The following DKK3 variants were observed in gnomAD, a reference collection of about 807,000 sequenced individuals.
The protein encoded by DKK3 is dickkopf Wnt signaling pathway inhibitor 3.
A neutral mutation model predicts 33.2 loss-of-function variants in DKK3; 22 were observed. The observed-to-expected ratio is 0.66, with a 90% CI of 0.47 to 0.95. The LOEUF (loss-of-function observed/expected upper bound fraction) is 0.95. DKK3 is among the 40% of genes least tolerant of loss of function. DKK3 has a pLI of 0.00. For missense variants in DKK3, 398 were observed against 458.4 expected (o/e 0.87, Z 1.20); for synonymous variants, 194 against 188.8 (o/e 1.03, Z -0.23).
intron 3 of DKK3, chr11:11,979,158 G>T (rs116494227): frequency 1.3e-5 from 2 of 152,426 alleles, no homozygotes; most frequent in South Asian, 2.1e-4. Flanking sequence ...CCATTCAGGG[G>T]CCTTGGCCTT....
intron 1 of DKK3, among the ~76,000 whole-genome samples, chr11:12,006,523 G>A (rs748727699): frequency 9.2e-5 from 14 of 151,742 alleles, no homozygotes; most frequent in Non-Finnish European, 1.5e-4. Context: ...CACTGCCAGC[G>A]AGGACACCTC....
intron 3 of DKK3, among the ~76,000 whole-genome samples, chr11:11,995,299 G>T (rs190122062): frequency 2.0e-5 from 3 of 152,082 alleles, no homozygotes; most frequent in Admixed American, 2.0e-4. Context: ...TACCCCGGTT[G>T]GTCTTGAACT....
At chr11:11,996,078 G>A (rs1191806316) in intron 3 of DKK3, among the ~76,000 whole-genome samples, 1 of 152,204 alleles carries the variant, frequency 6.6e-6, no homozygotes, top group African/African-American at 2.4e-5. Flanking sequence ...AAATTTTAAA[G>A]CCTGAAAATT....
chr11:11,982,284 G>A (rs1305167243), intron 3 of DKK3, among the ~76,000 whole-genome samples: 2 of 151,952 alleles, frequency 1.3e-5, no homozygotes, highest in Non-Finnish European at 2.9e-5. Flanking sequence ...CCTCCTAGGG[G>A]AGATGACAGG....
intron 3 of DKK3, among the ~76,000 whole-genome samples, chr11:11,980,073 C>T (rs974921140): frequency 1.3e-5 from 2 of 152,196 alleles, no homozygotes; most frequent in Non-Finnish European, 2.9e-5. Context: ...ACACCAGGCA[C>T]CCGGGAACCC....
At chr11:12,004,482 C>G (rs1442011685) in intron 1 of DKK3, among the ~76,000 whole-genome samples, 1 of 152,152 alleles carries the variant, frequency 6.6e-6, no homozygotes, top group African/African-American at 2.4e-5. Flanking sequence ...AAGGATCAAG[C>G]CACTGAGAGA....
intron 3 of DKK3, among the ~76,000 whole-genome samples, chr11:11,972,430 G>A (rs1202722505): frequency 6.6e-6 from 1 of 152,218 alleles, no homozygotes; most frequent in African/African-American, 2.4e-5. Context: ...TACATCCTGA[G>A]GGTGTCAAAC....
At chr11:11,982,206 CA>C (rs1427182778) in intron 3 of DKK3, among the ~76,000 whole-genome samples, 1 of 152,146 alleles carries the variant, frequency 6.6e-6, no homozygotes, top group Admixed American at 6.5e-5. Flanking sequence ...CACCATGTGT[CA>C]GGGGCGTGGG....
chr11:11,999,409 T>C (rs758735085), intron 2 of DKK3, among the ~76,000 whole-genome samples: 6 of 152,110 alleles, frequency 3.9e-5, no homozygotes, highest in Non-Finnish European at 7.4e-5. Context: ...GATTTGGTGA[T>C]GAAGGACAGA....
intron 3 of DKK3, among the ~76,000 whole-genome samples, chr11:11,970,926 G>A (rs1299541672): frequency 6.6e-6 from 1 of 152,064 alleles, no homozygotes; most frequent in Non-Finnish European, 1.5e-5. Flanking sequence ...TCCAGTAAAT[G>A]TGTGGTAATT....
chr11:11,997,397 A>G (rs1192344087), intron 3 of DKK3, among the ~76,000 whole-genome samples: 1 of 152,130 alleles, frequency 6.6e-6, no homozygotes, highest in African/African-American at 2.4e-5. Flanking sequence ...TAGGACCATG[A>G]TCATATCCTA....
chr11:11,998,722 C>T lies in DKK3; in HGVS notation c.409G>A (p.Gly137Arg). Residue 137 changes from glycine to arginine, a missense_variant, in exon 3 of 7, where the codon GGA becomes AGA. Coordinates refer to ENST00000683431, the MANE Select transcript of DKK3 (RefSeq NM_001018057.2). The stretch of plus-strand genomic sequence containing the variant: ...TGGCTCCTTCTGCCTTCTTCGTCTC[C>T]CACAGATGTGATAACTGTCTCTGAA... ...VFSETVITSV[G>R]DEEGRRSHEC... 1 of 1,614,124 alleles carries T rather than the reference C, an allele frequency of 6.2e-7. No homozygotes were observed. The highest frequency in any genetic ancestry group is 2.2e-5 in the East Asian group (1 of 44,872).
In DKK3 at chr11:11,967,029, T is replaced by G; in HGVS notation, c.598A>C (p.Thr200Pro). ...CAGATGGTCCCATTGCTGCCCCTGG[T>G]GGCCATTTTGGTGCAGTGACCCCAG... ...CVWGHCTKMA[T>P]RGSNGTICDN... is the part of the protein sequence containing the mutation. Residue 200 changes from threonine (T) to proline (P), a missense_variant, in exon 5 of 7, where the codon ACC becomes CCC. By Grantham distance (38) the Thr-to-Pro change is conservative. Coordinates refer to ENST00000683431, the MANE Select transcript of DKK3 (RefSeq NM_001018057.2). 1 of 1,614,002 alleles carries G rather than the reference T, an allele frequency of 6.2e-7. No homozygotes were observed. Among genetic ancestry groups the G allele is most frequent in the Non-Finnish European group, 8.5e-7 (1 of 1,180,008 alleles).
chr11:12,005,258 A>C (rs1848514361), intron 1 of DKK3, among the ~76,000 whole-genome samples: 2 of 152,234 alleles, frequency 1.3e-5, no homozygotes, highest in Non-Finnish European at 2.9e-5. Context: ...CGGTTCTTAA[A>C]TGGCACCATG....
intron 1 of DKK3, among the ~76,000 whole-genome samples, chr11:12,003,747 TAAAAAAAGAA>T (rs1848479889): frequency 1.3e-5 from 2 of 150,452 alleles, no homozygotes; most frequent in South Asian, 4.2e-4. Flanking sequence ...TTTTTTTTTT[TAAAAAAAGAA>T]TGCTCAAAAA....
At chr11:11,984,120 C>A (rs1011142864) in intron 3 of DKK3, among the ~76,000 whole-genome samples, 1 of 152,112 alleles carries the variant, frequency 6.6e-6, no homozygotes, top group Non-Finnish European at 1.5e-5. Context: ...GGGGTCTTAA[C>A]TTTTTTTGTA....
chr11:11,975,183 T>C (rs1055949929), intron 3 of DKK3, among the ~76,000 whole-genome samples: 2 of 152,208 alleles, frequency 1.3e-5, no homozygotes, highest in Non-Finnish European at 2.9e-5. Context: ...TACATGCACC[T>C]TCCCCCGATA....
At chr11:11,990,911 C>G (rs1848173730) in intron 3 of DKK3, among the ~76,000 whole-genome samples, 2 of 152,228 alleles carry the variant, frequency 1.3e-5, no homozygotes, top group African/African-American at 4.8e-5. Flanking sequence ...AGATTCTATT[C>G]TACTTGCAAG....
chr11:11,988,643 G>A (rs930968367), intron 3 of DKK3, among the ~76,000 whole-genome samples: 5 of 152,228 alleles, frequency 3.3e-5, no homozygotes, highest in Admixed American at 1.3e-4. Flanking sequence ...AGGGAAGTGG[G>A]AGGCCCCTCA....
Sources: gnomAD v4.1 joint callset for allele counts (sites outside exome capture counted in the v4.1 genomes callset) on GRCh38, gnomAD v4.1.1 for gene constraint, MANE v1.5 for transcripts, NCBI Gene and HGNC (gene_info 2026-07-23, HGNC 2026-07-21) for gene names.